The following DMBX1 variants were observed in gnomAD, a reference collection of about 807,000 sequenced individuals.
DMBX1 encodes the protein diencephalon/mesencephalon homeobox protein 1.
DMBX1 carries 7 observed loss-of-function variants against 30.4 expected under a neutral mutation model. The ratio of observed to expected loss-of-function variants is 0.23; its 90% CI spans 0.13 to 0.43. The LOEUF is 0.43. DMBX1 is among the 20% of genes least tolerant of loss of function. The pLI is 1.00. For synonymous variants in DMBX1, 222 were observed against 214.2 expected, an observed-to-expected ratio of 1.04 and a Z score of -0.32; for missense variants, 460 against 508.5, an observed-to-expected ratio of 0.90 and a Z score of 0.92.
chr1:46,512,712 G>T lies in DMBX1; in HGVS notation c.*218G>T. On this transcript the variant is annotated 3_prime_UTR_variant, in exon 6 of 6. Transcript: ENST00000360032. This position sits in a 1 kb window ranked among gnomAD's most constrained non-coding sequence, Gnocchi z 4.8. ...CCTGGACCCCATGGAGGCCGAATAG[G>T]GAGGAGGTGAGAGGCTGGGGTGCCC... 1.8e-6 allele frequency: 1 copy of T among 564,670 alleles called. No individual in the cohort carries two copies. The highest frequency in any genetic ancestry group is 3.1e-5 in the South Asian group (1 of 32,190). The allele number at this position is 564,670 out of a possible 1,614,324, so 35.0% of individuals were successfully genotyped here.
rs916881242 is a variant in DMBX1 at position 46,511,259 on chromosome 1, T to C, written c.658T>C (p.Cys220Arg). The C allele has an allele frequency of 2.5e-6, 4 of 1,599,900 alleles. No homozygotes were observed. The East Asian group carries it at 9.1e-5, about 36-fold the overall frequency. The change falls in exon 5 of 6, where the codon TGC becomes CGC. Residue 220 changes from cysteine to arginine, a missense_variant. Coordinates refer to ENST00000360032, the MANE Select transcript of DMBX1 (RefSeq NM_172225.2). ...TGGGGCTGACAGCAAGGGGCTGGGC[T>C]GCAAGAGGGGCAGCCCCAAGGCAGG... ...SPGADSKGLG[C>R]KRGSPKADSP...
chr1:46,494,021 A>T (rs1380728698), intron 2 of DMBX1, among the ~76,000 whole-genome samples: 1 of 152,210 alleles, frequency 6.6e-6, no homozygotes, highest in East Asian at 1.9e-4. Context: ...TACCCTGGAG[A>T]GGCCAGGAAC....
intron 2 of DMBX1, among the ~76,000 whole-genome samples, chr1:46,496,749 C>T (rs1666031575): frequency 6.6e-6 from 1 of 152,228 alleles, no homozygotes; most frequent in Non-Finnish European, 1.5e-5. Flanking sequence ...GACAAGGTCT[C>T]TTTCCCTCCT....
At chr1:46,511,937 C>G (rs1254153409) in intron 5 of DMBX1, 106 bp from the exon 6 acceptor site, 2 of 1,148,490 alleles carry the variant, frequency 1.7e-6, no homozygotes, top group Non-Finnish European at 2.5e-6. Flanking sequence ...TCAGCCGAAG[C>G]CTGTCTTGTC....
At chr1:46,501,659 C>G (rs1666140851) in intron 2 of DMBX1, among the ~76,000 whole-genome samples, 1 of 152,018 alleles carries the variant, frequency 6.6e-6, no homozygotes, top group South Asian at 2.1e-4. Context: ...TCTTCATTTA[C>G]TTAGCCTATC....
At chr1:46,499,328 G>T (rs770023869) in intron 2 of DMBX1, among the ~76,000 whole-genome samples, 1 of 152,182 alleles carries the variant, frequency 6.6e-6, no homozygotes, top group South Asian at 2.1e-4. Flanking sequence ...TAAGCCCCGC[G>T]CCCAGCAGAA....
In DMBX1 at chr1:46,510,251, A is replaced by C. The variant is rs552533557; in HGVS notation, c.155-225A>C. Reference sequence around the variant, plus strand: ...TGCCTGACAGCCATTTTTGGAGTTGAGTTAGACCTCTGTGGTCCTGATAGT... The same window carrying C: ...TGCCTGACAGCCATTTTTGGAGTTGCGTTAGACCTCTGTGGTCCTGATAGT... On this transcript the variant is annotated intron_variant, in intron 3 of 5. Coordinates refer to ENST00000360032, the MANE Select transcript of DMBX1 (RefSeq NM_172225.2). This position sits in a 1 kb window ranked among gnomAD's most constrained non-coding sequence, Gnocchi z 4.1. Among the ~76,000 whole-genome samples, 3 of 152,236 alleles carry C rather than the reference A, an allele frequency of 2.0e-5. No homozygotes were observed. Among genetic ancestry groups the C allele is most frequent in the Admixed American group, 6.5e-5 (1 of 15,304 alleles).
chr1:46,508,618 G>C (rs1408876129), intron 3 of DMBX1, among the ~76,000 whole-genome samples: 1 of 152,194 alleles, frequency 6.6e-6, no homozygotes, highest in Non-Finnish European at 1.5e-5. Context: ...GCACAGAGAG[G>C]AGTCAGGGAC....
chr1:46,493,749 G>A lies in DMBX1; in HGVS notation c.-13+2966G>A, dbSNP rs889893246. ...CAGCTCTATCTCCAGGGTTGCTTGT[G>A]CCCCGGATGAGTTGTACATCTGTCA... On this transcript the variant is annotated intron_variant, in intron 2 of 5. Coordinates refer to ENST00000360032, the MANE Select transcript of DMBX1 (RefSeq NM_172225.2). This position sits in a 1 kb window ranked among gnomAD's most constrained non-coding sequence, Gnocchi z 4.1. Among the ~76,000 whole-genome samples the A allele has an allele frequency of 3.3e-5, 5 of 152,238 alleles. No homozygotes were observed. The highest frequency in any genetic ancestry group is 9.6e-5 in the African/African-American group (4 of 41,466).
At chr1:46,509,855 G>A (rs1250057197) in intron 3 of DMBX1, among the ~76,000 whole-genome samples, 1 of 152,114 alleles carries the variant, frequency 6.6e-6, no homozygotes, top group Admixed American at 6.5e-5. Context: ...CTCTGTTCAG[G>A]AAACAGAAGA....
intron 3 of DMBX1, among the ~76,000 whole-genome samples, chr1:46,509,744 G>A (rs1175696317): frequency 3.9e-5 from 6 of 152,110 alleles, no homozygotes; most frequent in African/African-American, 1.4e-4. Context: ...TTCTTGGGGA[G>A]GCAGCCACAA....
At chr1:46,496,705 G>C (rs748657446) in intron 2 of DMBX1, among the ~76,000 whole-genome samples, 2 of 152,012 alleles carry the variant, frequency 1.3e-5, no homozygotes, top group Admixed American at 1.3e-4. Flanking sequence ...TCCTTCACAC[G>C]TGGCTGGCCA....
At chr1:46,490,371 T>C (rs1393871155) in intron 1 of DMBX1, among the ~76,000 whole-genome samples, 1 of 151,058 alleles carries the variant, frequency 6.6e-6, no homozygotes, top group Non-Finnish European at 1.5e-5. Flanking sequence ...AAAAAAAAAA[T>C]ACAAAAAAGG....
At position 46,496,190 on chromosome 1, in the gene DMBX1, G is replaced by A. The variant is rs535815867; in HGVS notation, c.-13+5407G>A. The stretch of plus-strand genomic sequence containing the variant: ...CCCAGGAATGGATATGGGGCTCTTG[G>A]AGGAGCCCCTGTAAAATAAGCGGCA... On this transcript the variant is annotated intron_variant, in intron 2 of 5. Transcript: ENST00000360032. 1.2e-4 allele frequency among the ~76,000 whole-genome samples: 19 copies of A among 152,286 alleles called. No individual in the cohort carries two copies. The South Asian group carries it at 3.9e-3, about 32-fold the overall frequency.
chr1:46,507,472 G>T (rs746701389), intron 3 of DMBX1, among the ~76,000 whole-genome samples: 2 of 152,214 alleles, frequency 1.3e-5, no homozygotes, highest in African/African-American at 2.4e-5. Flanking sequence ...AGGAGGGTAA[G>T]GGACTAGTCC....
chr1:46,510,800 G>T lies in DMBX1; in HGVS notation c.334-135G>T. On this transcript the variant is annotated intron_variant, in intron 4 of 5. Coordinates refer to ENST00000360032, the MANE Select transcript of DMBX1 (RefSeq NM_172225.2). The surrounding 1 kb of genome is among the most constrained non-coding windows in gnomAD (Gnocchi z 4.1). ...CCTTCAGTGATAGGAGGGGAGTTTG[G>T]GAAGGGACAGAGGGTGTGCATTCCC... 6 of 1,350,850 alleles carry T rather than the reference G, an allele frequency of 4.4e-6. No individual in the cohort carries two copies. The highest frequency in any genetic ancestry group is 4.4e-5 in the South Asian group (3 of 68,084). The allele number at this position is 1,350,850 out of a possible 1,614,324, so 83.7% of individuals were successfully genotyped here. A position where few individuals can be genotyped will look rare whatever the true frequency, so the allele number is the denominator to read the frequency against.
intron 3 of DMBX1, among the ~76,000 whole-genome samples, chr1:46,507,459 G>A (rs777481479): frequency 1.3e-5 from 2 of 152,208 alleles, no homozygotes; most frequent in Non-Finnish European, 2.9e-5. Context: ...GAAGAAATGA[G>A]GTAGGAGGGT....
rs974426859 is a variant in DMBX1, at chr1:46,514,724, A to G, written c.*2230A>G. Among the ~76,000 whole-genome samples the G allele has an allele frequency of 2.6e-5, 4 of 152,162 alleles. No homozygotes were observed. The highest frequency in any genetic ancestry group is 5.9e-5 in the Non-Finnish European group (4 of 68,036). ...TTGATCTATCTGAAAGCCAGGGTAAAGATTGCTAAGGCTTGTCTCCTCTCC... is the reference window on the plus strand; with the variant it reads ...TTGATCTATCTGAAAGCCAGGGTAAGGATTGCTAAGGCTTGTCTCCTCTCC... On this transcript the variant is annotated 3_prime_UTR_variant, in exon 6 of 6. Coordinates refer to ENST00000360032, the MANE Select transcript of DMBX1 (RefSeq NM_172225.2).
Position 46,501,213 on chromosome 1 carries a change from C to CCTTT in DMBX1, c.-12-5731_-12-5728dup, listed in dbSNP as rs764250449. Among the ~76,000 whole-genome samples, 498 of 74,524 alleles carry CCTTT rather than the reference C, an allele frequency of 6.7e-3. 4 individuals are homozygous for CCTTT. The highest frequency in any genetic ancestry group is 0.03 in the South Asian group (45 of 1,514). 48.9% of individuals were successfully genotyped at this position (74,524 alleles called of 152,430 possible). A position where few individuals can be genotyped will look rare whatever the true frequency, so the allele number is the denominator to read the frequency against. ...CTCTCCCTTCCTTCCTTCCTTCCTT[C>CCTTT]CTTTCTTTCTTTCTTTCTTTCTTTC... On this transcript the variant is annotated intron_variant, in intron 2 of 5. Coordinates refer to ENST00000360032, the MANE Select transcript of DMBX1 (RefSeq NM_172225.2).
Sources: allele counts gnomAD v4.1 joint callset (sites outside exome capture counted in the v4.1 genomes callset), GRCh38; gene constraint gnomAD v4.1.1; non-coding constraint Gnocchi (gnomAD v3.1); transcripts MANE v1.5; gene names NCBI Gene and HGNC (gene_info 2026-07-23, HGNC 2026-07-21).